ADAMTS12: variants seen among roughly 807,000 people sequenced by gnomAD.
The protein encoded by ADAMTS12 is ADAM metallopeptidase with thrombospondin type 1 motif 12.
ADAMTS12 carries 118 observed loss-of-function variants against 167.8 expected under a neutral mutation model. The ratio of observed to expected loss-of-function variants is 0.70; its 90% CI spans 0.61 to 0.82. The LOEUF is 0.82. Ranked by LOEUF, ADAMTS12 falls within the 40% of genes least tolerant of loss-of-function variation. ADAMTS12 has a pLI of 0.00. For missense variants in ADAMTS12, 1,916 were observed against 1,998.8 expected, an observed-to-expected ratio of 0.96 and a Z score of 0.79; for synonymous variants, 704 against 716.9, an observed-to-expected ratio of 0.98 and a Z score of 0.29.
chr5:33,529,922 G>A (rs919971987), intron 23 of ADAMTS12, among the ~76,000 whole-genome samples: 1 of 151,998 alleles, frequency 6.6e-6, no homozygotes, highest in African/African-American at 2.4e-5. Flanking sequence ...CAGAGAGAGA[G>A]TACACGTTTT....
chr5:33,603,344 A>G (rs1251296323), intron 16 of ADAMTS12: 1 of 152,204 alleles, frequency 6.6e-6, no homozygotes, highest in Non-Finnish European at 1.5e-5. Context: ...TATCTGTGTC[A>G]AGCCATTTCT....
At chr5:33,641,561 A>G (rs1378120603) in intron 11 of ADAMTS12, among the ~76,000 whole-genome samples, 1 of 152,186 alleles carries the variant, frequency 6.6e-6, no homozygotes, top group African/African-American at 2.4e-5. Flanking sequence ...TATTTCCCCA[A>G]ATGATAAAAT....
At chr5:33,573,073 C>T (rs1746475533) in intron 19 of ADAMTS12, among the ~76,000 whole-genome samples, 2 of 152,256 alleles carry the variant, frequency 1.3e-5, no homozygotes, top group East Asian at 3.9e-4. Flanking sequence ...AGGAGAACTA[C>T]AAACCACTGC....
At position 33,745,879 on chromosome 5, in the gene ADAMTS12, T is replaced by G. The variant is rs186338202; in HGVS notation, c.634+5525A>C. ...ATAGGGTTATTATTTTATCTCCCTA[T>G]ACATTCATGCATTAAGCATTTCCCC... is the stretch of plus-strand genomic sequence containing the variant. On this transcript the variant is annotated intron_variant, in intron 3 of 23. Transcript: ENST00000504830. 1.8e-3 allele frequency among the ~76,000 whole-genome samples: 274 copies of G among 152,290 alleles called. 7 individuals carry two copies. In the South Asian group the frequency reaches 0.021, roughly 12 times the overall value.
intron 2 of ADAMTS12, among the ~76,000 whole-genome samples, chr5:33,847,778 G>T (rs1035684084): frequency 6.6e-6 from 1 of 152,204 alleles, no homozygotes; most frequent in Non-Finnish European, 1.5e-5. Context: ...GAGAGGCTCA[G>T]GTGAAGCTGT....
intron 13 of ADAMTS12, among the ~76,000 whole-genome samples, chr5:33,629,649 A>G (rs1183652328): frequency 1.1e-4 from 17 of 152,224 alleles, no homozygotes; most frequent in African/African-American, 1.7e-4. Context: ...ATACTTTTGC[A>G]ATGACATCTG....
chr5:33,674,119 A>T (rs1561207693), intron 5 of ADAMTS12, among the ~76,000 whole-genome samples: 1 of 152,226 alleles, frequency 6.6e-6, no homozygotes, highest in Admixed American at 6.5e-5. Flanking sequence ...TACAGCAGAT[A>T]TACTGACTGA....
chr5:33,591,217 G>A (rs768994088), intron 17 of ADAMTS12, among the ~76,000 whole-genome samples: 1 of 151,862 alleles, frequency 6.6e-6, no homozygotes, highest in Non-Finnish European at 1.5e-5. Flanking sequence ...TAGAAGGGAT[G>A]GGTTAGAGAC....
chr5:33,814,058 A>T (rs910322688), intron 2 of ADAMTS12, among the ~76,000 whole-genome samples: 8 of 152,102 alleles, frequency 5.3e-5, no homozygotes, highest in African/African-American at 1.9e-4. Context: ...ATTTTCTCCC[A>T]ATCTGTGGCT....
intron 19 of ADAMTS12, among the ~76,000 whole-genome samples, chr5:33,570,351 G>A (rs558023136): frequency 6.6e-6 from 1 of 152,278 alleles, no homozygotes; most frequent in South Asian, 2.1e-4. Context: ...AGAGAGAAAG[G>A]TCGGGTTACC....
intron 16 of ADAMTS12, among the ~76,000 whole-genome samples, chr5:33,608,578 C>T (rs1039465043): frequency 1.3e-5 from 2 of 152,158 alleles, no homozygotes; most frequent in African/African-American, 4.8e-5. Context: ...AAGCATCACA[C>T]AGCTGCCCCA....
At chr5:33,695,629 G>T (rs928192411) in intron 3 of ADAMTS12, among the ~76,000 whole-genome samples, 1 of 152,162 alleles carries the variant, frequency 6.6e-6, no homozygotes, top group Non-Finnish European at 1.5e-5. Flanking sequence ...ATTTACATGA[G>T]GTACCTTGTG....
intron 5 of ADAMTS12, among the ~76,000 whole-genome samples, chr5:33,671,628 C>A (rs1387678886): frequency 6.6e-6 from 1 of 152,134 alleles, no homozygotes; most frequent in Admixed American, 6.5e-5. Flanking sequence ...TGTGAGAACT[C>A]ATACCTTTGA....
At chr5:33,889,503 T>C (rs2111810938) in intron 1 of ADAMTS12, among the ~76,000 whole-genome samples, 1 of 152,346 alleles carries the variant, frequency 6.6e-6, no homozygotes, top group South Asian at 2.1e-4. Flanking sequence ...TTTCATTCTC[T>C]ACTGGTTTGC....
chr5:33,847,310 C>G (rs1409016802), intron 2 of ADAMTS12, among the ~76,000 whole-genome samples: 1 of 152,090 alleles, frequency 6.6e-6, no homozygotes, highest in Non-Finnish European at 1.5e-5. Context: ...GTTCACTGCC[C>G]ACAGGACACT....
intron 19 of ADAMTS12, among the ~76,000 whole-genome samples, chr5:33,573,523 T>C (rs904827067): frequency 1.0e-3 from 156 of 152,284 alleles, no homozygotes; most frequent in African/African-American, 3.5e-3. Context: ...TAAATGGTGC[T>C]GGGAAAACTG....
chr5:33,575,945 T>C, intron 19 of ADAMTS12, 109 bp downstream of exon 19: 2 of 1,457,118 alleles, frequency 1.4e-6, no homozygotes, highest in East Asian at 4.8e-5. Flanking sequence ...CCTTTTGTTT[T>C]CACAATAGAA....
At chr5:33,805,293 T>C (rs1269750841) in intron 2 of ADAMTS12, among the ~76,000 whole-genome samples, 1 of 152,134 alleles carries the variant, frequency 6.6e-6, no homozygotes, top group Non-Finnish European at 1.5e-5. Flanking sequence ...TAAAAATTAT[T>C]GGTGAAAGTA....
chr5:33,730,287 A>AGGGG (rs201539932), intron 3 of ADAMTS12, among the ~76,000 whole-genome samples: 9 of 65,480 alleles, frequency 1.4e-4, no homozygotes, highest in Non-Finnish European at 3.5e-4. Flanking sequence ...AGAGTCCATT[A>AGGGG]GGGTGTGTGT....
Sources: allele counts gnomAD v4.1 joint callset (sites outside exome capture counted in the v4.1 genomes callset), GRCh38; gene constraint gnomAD v4.1.1; transcripts MANE v1.5; gene names NCBI Gene and HGNC (gene_info 2026-07-23, HGNC 2026-07-21).